Variants in CDH13 observed in about 807,000 individuals in gnomAD.
The protein encoded by CDH13 is cadherin 13.
A neutral mutation model predicts 63.8 loss-of-function variants in CDH13; 24 were observed. That is an observed-to-expected ratio of 0.38 (90% CI 0.27 to 0.53). CDH13 has a LOEUF of 0.53. Ranked by LOEUF, CDH13 falls within the 20% of genes least tolerant of loss-of-function variation. The pLI, the probability that CDH13 is intolerant of heterozygous loss-of-function variation, is 0.85. For synonymous variants in CDH13, 503 were observed against 355.3 expected, an observed-to-expected ratio of 1.42 and a Z score of -4.67; for missense variants, 1,049 against 903.1, an observed-to-expected ratio of 1.16 and a Z score of -2.07.
intron 4 of CDH13, among the ~76,000 whole-genome samples, chr16:83,165,768 C>G (rs1269120649): frequency 6.6e-6 from 1 of 152,016 alleles, no homozygotes; most frequent in African/African-American, 2.4e-5. Context: ...AATTAGAGAC[C>G]TAGAATTCAG....
intron 4 of CDH13, among the ~76,000 whole-genome samples, chr16:83,193,300 T>C (rs1320724400): frequency 2.0e-5 from 3 of 151,992 alleles, no homozygotes; most frequent in Admixed American, 1.3e-4. Flanking sequence ...TATTTTACAG[T>C]GGAGGGAGCT....
chr16:83,119,154 C>T (rs907333555), intron 3 of CDH13, among the ~76,000 whole-genome samples: 6 of 152,190 alleles, frequency 3.9e-5, no homozygotes, highest in African/African-American at 1.4e-4. Context: ...TGGCTGTGCA[C>T]TGTTCCTTTT....
intron 4 of CDH13, among the ~76,000 whole-genome samples, chr16:83,186,670 A>G (rs2151750323): frequency 6.6e-6 from 1 of 152,288 alleles, no homozygotes; most frequent in East Asian, 1.9e-4. Context: ...TGGGTTAAGG[A>G]GTTACAAAAA....
At chr16:83,086,235 T>C (rs936175109) in intron 3 of CDH13, among the ~76,000 whole-genome samples, 2 of 152,180 alleles carry the variant, frequency 1.3e-5, no homozygotes, top group African/African-American at 4.8e-5. Context: ...TACAAAACAG[T>C]CAAGACATTT....
At chr16:82,749,761 T>TTTCCTTCC (rs1157756772) in intron 1 of CDH13, among the ~76,000 whole-genome samples, 7 of 152,276 alleles carry the variant, frequency 4.6e-5, no homozygotes, top group Non-Finnish European at 8.8e-5. Flanking sequence ...GCTTCCCTCC[T>TTTCCTTCC]TTCCTTCCTT....
intron 6 of CDH13, among the ~76,000 whole-genome samples, chr16:83,369,863 A>G (rs964425037): frequency 6.6e-6 from 1 of 152,194 alleles, no homozygotes; most frequent in Non-Finnish European, 1.5e-5. Flanking sequence ...TTCATGACAC[A>G]TATGTAGCAT....
intron 1 of CDH13, among the ~76,000 whole-genome samples, chr16:82,651,205 A>T (rs1910682149): frequency 6.6e-6 from 1 of 152,232 alleles, no homozygotes; most frequent in South Asian, 2.1e-4. Flanking sequence ...ATTTTAACAA[A>T]TAAGAAATAA....
intron 1 of CDH13, among the ~76,000 whole-genome samples, chr16:82,850,120 G>A (rs951232254): frequency 3.9e-5 from 6 of 152,214 alleles, no homozygotes; most frequent in Admixed American, 2.0e-4. Flanking sequence ...TAAGGCTACA[G>A]CTTCTAAAGA....
chr16:82,736,072 A>G (rs1337486932), intron 1 of CDH13, among the ~76,000 whole-genome samples: 1 of 152,238 alleles, frequency 6.6e-6, no homozygotes, highest in African/African-American at 2.4e-5. Context: ...GAAGTGCATA[A>G]GAAATTAATT....
At chr16:83,095,299 A>C (rs140938118) in intron 3 of CDH13, among the ~76,000 whole-genome samples, 3 of 152,206 alleles carry the variant, frequency 2.0e-5, no homozygotes, top group Non-Finnish European at 4.4e-5. Context: ...TGGTATATCA[A>C]CATGGTACTG....
At chr16:83,576,522 T>G (rs1361482776) in intron 7 of CDH13, among the ~76,000 whole-genome samples, 1 of 152,238 alleles carries the variant, frequency 6.6e-6, no homozygotes, top group Non-Finnish European at 1.5e-5. Context: ...GGTATATATC[T>G]AGAAGTAGTA....
At chr16:82,697,510 A>C (rs2030463675) in intron 1 of CDH13, among the ~76,000 whole-genome samples, 1 of 134,834 alleles carries the variant, frequency 7.4e-6, no homozygotes, top group African/African-American at 2.8e-5. Context: ...ACTCACTGCA[A>C]CCTCTGCCTC....
At chr16:83,589,532 C>T (rs1407002543) in intron 7 of CDH13, among the ~76,000 whole-genome samples, 1 of 151,942 alleles carries the variant, frequency 6.6e-6, no homozygotes, top group East Asian at 1.9e-4. Flanking sequence ...CCTCTTGTGC[C>T]ACCTAAGGTA....
At chr16:83,788,733 A>C (rs16961799) in intron 13 of CDH13, among the ~76,000 whole-genome samples, 30,667 of 152,164 alleles carry the variant, frequency 0.2, 4,018 homozygotes, top group East Asian at 0.63. Context: ...TGAAATACCA[A>C]ATGTGCTTTA....
chr16:83,230,545 G>A (rs1303825861), intron 5 of CDH13, among the ~76,000 whole-genome samples: 2 of 152,176 alleles, frequency 1.3e-5, no homozygotes, highest in Non-Finnish European at 2.9e-5. Context: ...CAGCACTTTG[G>A]GAGGCCGAGG....
At chr16:83,648,482 C>A (rs1047315297) in intron 8 of CDH13, among the ~76,000 whole-genome samples, 2 of 152,026 alleles carry the variant, frequency 1.3e-5, no homozygotes, top group Non-Finnish European at 2.9e-5. Context: ...TTCCTGCCAC[C>A]CCTCCTCCCT....
chr16:83,155,220 C>T (rs1323760029), intron 4 of CDH13, among the ~76,000 whole-genome samples: 2 of 152,186 alleles, frequency 1.3e-5, no homozygotes, highest in East Asian at 1.9e-4. Context: ...AAGGAAAGGA[C>T]AGAGGGGAGA....
At chr16:83,478,488 C>G (rs2073670702) in intron 6 of CDH13, among the ~76,000 whole-genome samples, 1 of 152,130 alleles carries the variant, frequency 6.6e-6, no homozygotes, top group South Asian at 2.1e-4. Flanking sequence ...CTCACATTAT[C>G]AAGCACTTTC....
At chr16:83,251,413 C>T (rs1231947038) in intron 5 of CDH13, among the ~76,000 whole-genome samples, 1 of 152,156 alleles carries the variant, frequency 6.6e-6, no homozygotes, top group Non-Finnish European at 1.5e-5. Flanking sequence ...ACCTGAGGCT[C>T]TTAGAAATTA....
Sources: allele counts gnomAD v4.1 joint callset (sites outside exome capture counted in the v4.1 genomes callset), GRCh38; gene constraint gnomAD v4.1.1; transcripts MANE v1.5; gene names NCBI Gene and HGNC (gene_info 2026-07-23, HGNC 2026-07-21).